Variants in SLC25A13 observed in about 807,000 individuals in gnomAD.
SLC25A13 encodes solute carrier family 25 member 13.
In SLC25A13, 70 loss-of-function variants were observed where a neutral mutation model predicts 85.5. The observed-to-expected ratio is 0.82, with a 90% CI of 0.68 to 1.00. The LOEUF (loss-of-function observed/expected upper bound fraction) is 1.00. Among genes scored for constraint, SLC25A13 ranks in the 50% least tolerant of loss-of-function variants. The probability of loss-of-function intolerance (pLI) is 0.00; values close to 1 mark genes in which losing one functional copy is unlikely to be tolerated. For missense variants in SLC25A13, 765 were observed against 819.8 expected (o/e 0.93, Z 0.82); for synonymous variants, 259 against 288.7 (o/e 0.90, Z 1.04).
chr7:96,227,483 C>G (rs10953168), intron 4 of SLC25A13, among the ~76,000 whole-genome samples: 1 of 151,878 alleles, frequency 6.6e-6, no homozygotes, highest in Admixed American at 6.6e-5. Flanking sequence ...CCAAGAATAG[C>G]CGAGATAATC....
intron 13 of SLC25A13, among the ~76,000 whole-genome samples, chr7:96,148,839 A>C (rs1238500223): frequency 6.6e-6 from 1 of 152,228 alleles, no homozygotes; most frequent in Admixed American, 6.5e-5. Flanking sequence ...ACATGAAGGC[A>C]GAGCTTCGGT....
At chr7:96,307,056 G>A (rs950197129) in intron 1 of SLC25A13, among the ~76,000 whole-genome samples, 2 of 151,922 alleles carry the variant, frequency 1.3e-5, no homozygotes, top group Non-Finnish European at 2.9e-5. Flanking sequence ...CTCCCTATGG[G>A]CCACTCCTGG....
At chr7:96,223,074 C>A (rs1347680799) in intron 4 of SLC25A13, among the ~76,000 whole-genome samples, 2 of 151,698 alleles carry the variant, frequency 1.3e-5, no homozygotes, top group Admixed American at 1.3e-4. Flanking sequence ...AAAACCTACA[C>A]AATTTTTCCC....
chr7:96,276,195 G>A (rs569404184), intron 3 of SLC25A13, among the ~76,000 whole-genome samples: 1 of 152,318 alleles, frequency 6.6e-6, no homozygotes, highest in South Asian at 2.1e-4. Context: ...GAGAAGGTTA[G>A]TTCTTGTACA....
chr7:96,219,699 G>A (rs750423973), intron 4 of SLC25A13: 1 of 534,624 alleles, frequency 1.9e-6, no homozygotes, highest in South Asian at 1.4e-5. Flanking sequence ...GGAGTCCACA[G>A]TTAACCAACA....
intron 3 of SLC25A13, among the ~76,000 whole-genome samples, chr7:96,243,634 T>C (rs1030122520): frequency 6.6e-6 from 1 of 152,126 alleles, no homozygotes; most frequent in African/African-American, 2.4e-5. Context: ...GAGATAAGGC[T>C]ACTTTGCCTA....
chr7:96,213,483 A>G lies in SLC25A13; in HGVS notation c.329-4506T>C, dbSNP rs575188676. On this transcript the variant is annotated intron_variant, in intron 4 of 17. Coordinates refer to ENST00000265631, the MANE Select transcript of SLC25A13 (RefSeq NM_014251.3). Reference sequence around the variant, plus strand: ...AGTTCTACTCTATACTCTGGCTCCCACATGGGCAATTCCATGAGCCTTACT... The same window carrying G: ...AGTTCTACTCTATACTCTGGCTCCCGCATGGGCAATTCCATGAGCCTTACT... Among the ~76,000 whole-genome samples, 3 of 152,316 alleles carry G rather than the reference A, an allele frequency of 2.0e-5. No homozygotes were observed. The East Asian group carries it at 5.8e-4, about 29-fold the overall frequency.
At chr7:96,192,895 T>C in intron 6 of SLC25A13, 142 bp downstream of exon 6, 2 of 918,588 alleles carry the variant, frequency 2.2e-6, no homozygotes, top group Non-Finnish European at 3.3e-6. Context: ...ACACTCTTTG[T>C]TTGAGTTTAG....
At chr7:96,236,273 C>T (rs1796737720) in intron 3 of SLC25A13, among the ~76,000 whole-genome samples, 1 of 151,884 alleles carries the variant, frequency 6.6e-6, no homozygotes, top group African/African-American at 2.4e-5. Context: ...GAGTACTTCC[C>T]AAGGACATTT....
intron 13 of SLC25A13, among the ~76,000 whole-genome samples, chr7:96,161,385 C>T (rs997843932): frequency 6.6e-6 from 1 of 152,172 alleles, no homozygotes; most frequent in Non-Finnish European, 1.5e-5. Context: ...TTCCTCTTTG[C>T]TGGCCATCAG....
In SLC25A13 at chr7:96,184,280, T is replaced by C; in HGVS notation, c.1174A>G (p.Arg392Gly). ...GTATTGAGCATGTGGCACTAACCTCTATACAGTCCAAAGAAGCCTTCATAG... is the reference window on the plus strand; with the variant it reads ...GTATTGAGCATGTGGCACTAACCTCCATACAGTCCAAAGAAGCCTTCATAG... ...LRYEGFFGLY[R>G]GLLPQLLGVA... Residue 392 changes from arginine to glycine, a missense_variant, in exon 11 of 18, where the codon AGA becomes GGA. Physicochemically the swap from Arg to Gly is moderately radical, Grantham distance 125 (BLOSUM62 -2). Transcript: ENST00000265631. 1 of 1,614,170 alleles carries C rather than the reference T, an allele frequency of 6.2e-7. No homozygotes were observed. Among genetic ancestry groups the C allele is most frequent in the African/African-American group, 1.3e-5 (1 of 75,068 alleles).
chr7:96,156,930 A>G (rs1793291458), intron 13 of SLC25A13, among the ~76,000 whole-genome samples: 1 of 152,152 alleles, frequency 6.6e-6, no homozygotes, highest in Non-Finnish European at 1.5e-5. Context: ...AATTATACTG[A>G]TGTAGGTTTT....
chr7:96,234,080 A>G (rs542140336), intron 4 of SLC25A13, among the ~76,000 whole-genome samples: 1 of 152,252 alleles, frequency 6.6e-6, no homozygotes, highest in Non-Finnish European at 1.5e-5. Flanking sequence ...ACAGAGTCCA[A>G]GGGAAACATG....
chr7:96,121,595 T>C, intron 17 of SLC25A13, 60 bp downstream of exon 17: 9 of 1,528,824 alleles, frequency 5.9e-6, no homozygotes, highest in Non-Finnish European at 8.2e-6. Context: ...TACCTTTCCC[T>C]ACGACAACAG....
chr7:96,308,587 A>G (rs1417910326), intron 1 of SLC25A13, among the ~76,000 whole-genome samples: 1 of 152,240 alleles, frequency 6.6e-6, no homozygotes, highest in African/African-American at 2.4e-5. Flanking sequence ...AAGGAGAGAG[A>G]GAGAATTTCA....
Position 96,322,054 on chromosome 7 carries a change from TGGGGGCGGC to T in SLC25A13, c.-107_-99del. The T allele has an allele frequency of 6.9e-7, 1 of 1,454,004 alleles. No individual in the cohort carries two copies. Among genetic ancestry groups the T allele is most frequent in the Non-Finnish European group, 9.3e-7 (1 of 1,078,782 alleles). 90.1% of individuals were successfully genotyped at this position (1,454,004 alleles called of 1,614,324 possible). A position where few individuals can be genotyped will look rare whatever the true frequency, so the allele number is the denominator to read the frequency against. On this transcript the variant is annotated 5_prime_UTR_variant, in exon 1 of 18. Coordinates refer to ENST00000265631, the MANE Select transcript of SLC25A13 (RefSeq NM_014251.3). Reference sequence around the variant, plus strand: ...CTTCTAGTCCCGGCGGCGGCGGCGGTGGGGGCGGCGATACGGCCAGGCAGCGTGCGTTCC... The same window carrying T: ...CTTCTAGTCCCGGCGGCGGCGGCGGTGATACGGCCAGGCAGCGTGCGTTCC...
At chr7:96,292,916 T>C (rs537345391) in intron 2 of SLC25A13, among the ~76,000 whole-genome samples, 2 of 152,266 alleles carry the variant, frequency 1.3e-5, no homozygotes, top group East Asian at 1.9e-4. Context: ...CTTCACAGAA[T>C]TGGAAAAAAC....
At chr7:96,150,331 A>C (rs1792982847) in intron 13 of SLC25A13, among the ~76,000 whole-genome samples, 1 of 152,180 alleles carries the variant, frequency 6.6e-6, no homozygotes. Context: ...TAGTAAGGGT[A>C]GAAGTCATGA....
intron 11 of SLC25A13, among the ~76,000 whole-genome samples, chr7:96,177,310 G>A (rs1185810539): frequency 6.6e-6 from 1 of 152,088 alleles, no homozygotes; most frequent in African/African-American, 2.4e-5. Flanking sequence ...GTAAAGTAGT[G>A]GCACAGACAA....
Sources: gnomAD v4.1 joint callset for allele counts (sites outside exome capture counted in the v4.1 genomes callset) on GRCh38, gnomAD v4.1.1 for gene constraint, MANE v1.5 for transcripts, NCBI Gene and HGNC (gene_info 2026-07-23, HGNC 2026-07-21) for gene names.